ANKFN1: variants seen among roughly 807,000 people sequenced by gnomAD.
ANKFN1 encodes the protein ankyrin repeat and fibronectin type-III domain-containing protein 1.
Under a neutral mutation model 108.7 loss-of-function variants are expected in ANKFN1, and 74 were observed. The observed-to-expected ratio is 0.68, with a 90% CI of 0.56 to 0.83. ANKFN1 has a LOEUF of 0.83. Ranked by LOEUF, ANKFN1 falls within the 40% of genes least tolerant of loss-of-function variation. The pLI, the probability that ANKFN1 is intolerant of heterozygous loss-of-function variation, is 0.00. For synonymous variants in ANKFN1, 547 were observed against 516.2 expected (o/e 1.06, Z -0.81); for missense variants, 1,505 against 1,382.3 (o/e 1.09, Z -1.41).
At chr17:56,243,870 A>G (rs1917766995) in intron 3 of ANKFN1, among the ~76,000 whole-genome samples, 1 of 152,172 alleles carries the variant, frequency 6.6e-6, no homozygotes, top group South Asian at 2.1e-4. Flanking sequence ...TTTAATTAAA[A>G]TTAGAAATCT....
At position 56,482,373 on chromosome 17, in the gene ANKFN1, C is replaced by T. The variant is rs748975328; in HGVS notation, c.2109C>T (p.Leu703=). 6 of 1,607,500 alleles carry T rather than the reference C, an allele frequency of 3.7e-6. No individual in the cohort carries two copies. The East Asian group carries it at 1.3e-4, about 36-fold the overall frequency. The change falls in exon 18 of 21, where the codon CTC becomes CTT. Residue 703 remains leucine (L), a synonymous_variant. Coordinates refer to ENST00000682825, the MANE Select transcript of ANKFN1 (RefSeq NM_001370326.1). ...CTCTGCAGGCAAGGAACTTCCGCCT[C>T]TACACACAGGAGGTGTTGGAAATGG... ...IPLHQARNFR[L]YTQEVLEMGH... is the part of the protein sequence containing the mutation.
intron 4 of ANKFN1, among the ~76,000 whole-genome samples, chr17:56,098,975 C>T (rs1282628818): frequency 6.6e-6 from 1 of 152,098 alleles, no homozygotes; most frequent in Non-Finnish European, 1.5e-5. Context: ...GAAAAGTGAG[C>T]TGCATCTTTC....
At chr17:56,176,544 C>T (rs1911175931) in intron 1 of ANKFN1, among the ~76,000 whole-genome samples, 1 of 152,210 alleles carries the variant, frequency 6.6e-6, no homozygotes, top group Admixed American at 6.5e-5. Flanking sequence ...AGACTGTCTT[C>T]ACCATTCTTT....
intron 3 of ANKFN1, among the ~76,000 whole-genome samples, chr17:56,258,663 C>A (rs9915594): frequency 0.051 from 7,714 of 152,242 alleles, 235 homozygotes; most frequent in South Asian, 0.092. Flanking sequence ...GTAATCCCAG[C>A]ACTTTGGGAG....
intron 4 of ANKFN1, among the ~76,000 whole-genome samples, chr17:56,343,047 T>C (rs2046000657): frequency 6.6e-6 from 1 of 152,054 alleles, no homozygotes; most frequent in African/African-American, 2.4e-5. Context: ...TACCATTATG[T>C]AATGTCTTTC....
intron 3 of ANKFN1, among the ~76,000 whole-genome samples, chr17:56,264,639 C>A (rs748535844): frequency 6.6e-6 from 1 of 152,200 alleles, no homozygotes; most frequent in South Asian, 2.1e-4. Context: ...TCCATACTCA[C>A]AGCTCTTCAG....
At chr17:56,108,353 C>T (rs745323229) in intron 4 of ANKFN1, among the ~76,000 whole-genome samples, 40 of 152,168 alleles carry the variant, frequency 2.6e-4, no homozygotes, top group Non-Finnish European at 4.7e-4. Context: ...ACTTTCATTA[C>T]ATGCCTACAC....
At chr17:56,437,241 G>C (rs1004817764) in intron 8 of ANKFN1, among the ~76,000 whole-genome samples, 1 of 152,138 alleles carries the variant, frequency 6.6e-6, no homozygotes, top group Non-Finnish European at 1.5e-5. Context: ...CCTGAAACTT[G>C]CTTTGTAAAA....
At chr17:56,329,886 G>A (rs769953176) in intron 4 of ANKFN1, among the ~76,000 whole-genome samples, 16 of 152,106 alleles carry the variant, frequency 1.1e-4, no homozygotes, top group Non-Finnish European at 2.1e-4. Flanking sequence ...AGTTCCTTCC[G>A]CCATGTGAAG....
At chr17:56,245,322 G>A (rs1407407299) in intron 3 of ANKFN1, among the ~76,000 whole-genome samples, 2 of 151,948 alleles carry the variant, frequency 1.3e-5, no homozygotes, top group African/African-American at 4.8e-5. Flanking sequence ...AGTATTTAGA[G>A]GGTTTTTTCC....
intron 3 of ANKFN1, among the ~76,000 whole-genome samples, chr17:56,296,823 T>C (rs1273279838): frequency 5.3e-5 from 8 of 152,226 alleles, no homozygotes; most frequent in East Asian, 3.8e-4. Context: ...TCTTTCTACA[T>C]TGGTAATATG....
At chr17:56,484,104 G>C (rs2050788159) in intron 18 of ANKFN1, among the ~76,000 whole-genome samples, 1 of 152,138 alleles carries the variant, frequency 6.6e-6, no homozygotes, top group Admixed American at 6.5e-5. Flanking sequence ...TTCTTGTTGG[G>C]GGAGTAGAAT....
chr17:56,156,415 A>G (rs995102096), intron 1 of ANKFN1: 1 of 152,288 alleles, frequency 6.6e-6, no homozygotes, highest in East Asian at 1.9e-4. Flanking sequence ...AAGAGGGACC[A>G]CATTATCTAC....
intron 8 of ANKFN1, among the ~76,000 whole-genome samples, chr17:56,394,643 G>A (rs1194783045): frequency 6.6e-6 from 1 of 152,088 alleles, no homozygotes; most frequent in Non-Finnish European, 1.5e-5. Flanking sequence ...CAGTTGCTGA[G>A]CCCATACGCC....
At chr17:56,452,469 G>A (rs530284161) in intron 11 of ANKFN1, among the ~76,000 whole-genome samples, 17 of 152,256 alleles carry the variant, frequency 1.1e-4, no homozygotes, top group South Asian at 6.2e-4. Flanking sequence ...CATGCTATGC[G>A]TTTACCACTG....
rs575654443 is a variant in ANKFN1, at chr17:56,514,511, C to T, written c.*3242C>T. On this transcript the variant is annotated 3_prime_UTR_variant, in exon 21 of 21. Coordinates refer to ENST00000682825, the MANE Select transcript of ANKFN1 (RefSeq NM_001370326.1). Reference sequence around the variant, plus strand: ...GCAAGTCATGGAAGTATATGTTTGGCAACTACTTAACAAAGCTAAAACATC... The same window carrying T: ...GCAAGTCATGGAAGTATATGTTTGGTAACTACTTAACAAAGCTAAAACATC... Among the ~76,000 whole-genome samples the T allele has an allele frequency of 1.1e-4, 16 of 152,258 alleles. No individual in the cohort carries two copies. Among genetic ancestry groups the T allele is most frequent in the Non-Finnish European group, 1.6e-4 (11 of 68,018 alleles).
At chr17:56,101,852 C>T (rs1276484260) in intron 4 of ANKFN1, among the ~76,000 whole-genome samples, 2 of 152,178 alleles carry the variant, frequency 1.3e-5, no homozygotes, top group Non-Finnish European at 2.9e-5. Flanking sequence ...TTCTGGGCCT[C>T]ATCCTACTAC....
chr17:56,490,042 C>A (rs1047262991), intron 18 of ANKFN1, among the ~76,000 whole-genome samples: 7 of 152,210 alleles, frequency 4.6e-5, no homozygotes, highest in Non-Finnish European at 8.8e-5. Flanking sequence ...CAGATCCATT[C>A]ATGCATTTAT....
chr17:56,143,726 G>A (rs755616385), intron 4 of ANKFN1, among the ~76,000 whole-genome samples: 6 of 152,164 alleles, frequency 3.9e-5, no homozygotes, highest in Non-Finnish European at 7.3e-5. Flanking sequence ...GTCCTTATAA[G>A]ATAAAGGAGA....
Sources: gnomAD v4.1 joint callset for allele counts (sites outside exome capture counted in the v4.1 genomes callset) on GRCh38, gnomAD v4.1.1 for gene constraint, MANE v1.5 for transcripts, NCBI Gene and HGNC (gene_info 2026-07-23, HGNC 2026-07-21) for gene names.